The following NFAT5 variants were observed in gnomAD, a reference collection of about 807,000 sequenced individuals.
The protein encoded by NFAT5 is nuclear factor of activated T cells 5.
A neutral mutation model predicts 166.5 loss-of-function variants in NFAT5; 31 were observed. The ratio of observed to expected loss-of-function variants is 0.19; its 90% CI spans 0.14 to 0.25. The LOEUF (loss-of-function observed/expected upper bound fraction) is 0.25, where lower values mean the gene tolerates loss of function less well. Among genes scored for constraint, NFAT5 ranks in the 10% least tolerant of loss-of-function variants. The pLI is 1.00. For missense variants in NFAT5, 1,449 were observed against 1,821.8 expected (o/e 0.80, Z 3.72); for synonymous variants, 612 against 639.7 (o/e 0.96, Z 0.65).
At chr16:69,567,427 G>A (rs1156833137) in intron 1 of NFAT5, among the ~76,000 whole-genome samples, 2 of 151,930 alleles carry the variant, frequency 1.3e-5, no homozygotes, top group Non-Finnish European at 2.9e-5. Context: ...ACCGGGAGGG[G>A]GCAAAAGACA....
chr16:69,695,271 C>A lies in NFAT5; in HGVS notation c.4550C>A (p.Ser1517Tyr), dbSNP rs1329082367. The A allele has an allele frequency of 6.2e-7, 1 of 1,614,116 alleles. No homozygotes were observed. The highest frequency in any genetic ancestry group is 1.3e-5 in the African/African-American group (1 of 75,026). Residue 1517 changes from serine (S) to tyrosine (Y), a missense_variant, in exon 14 of 15, where the codon TCT becomes TAT. Ser to Tyr is a moderately radical substitution (Grantham distance 144). This residue lies in a region of NFAT5 where 891 missense variants were observed against 993.0 expected (regional missense o/e 0.90). Transcript: ENST00000349945. ...CTTTCTCAGCAAATGCCAGAGAATT[C>A]TCCACTGGCATCCTCTATAAACACC... The part of the protein sequence containing the change: ...TLLSQQMPEN[S>Y]PLASSINTNQ...
intron 3 of NFAT5, among the ~76,000 whole-genome samples, chr16:69,638,066 A>T (rs1173108731): frequency 6.6e-6 from 1 of 152,152 alleles, no homozygotes; most frequent in Admixed American, 6.5e-5. Flanking sequence ...TAAAAATACA[A>T]AAATTATCTG....
Position 69,693,252 on chromosome 16 carries a change from G to T in NFAT5, c.3427G>T (p.Val1143Leu). ...GTTTCACTCTCAAAGTACCATTGCT[G>T]TGTTACAGGGCTCTTCAGTTCCTCA... is the stretch of plus-strand genomic sequence containing the variant. ...PMFHSQSTIA[V>L]LQGSSVPQDQ... The change falls in exon 13 of 15, where the codon GTG (valine) becomes TTG (leucine). Residue 1143 changes from valine (V) to leucine (L), a missense_variant. Physicochemically the swap from Val to Leu is conservative, Grantham distance 32 (BLOSUM62 1). Transcript: ENST00000349945. The T allele has an allele frequency of 6.2e-7, 1 of 1,614,176 alleles. No individual in the cohort carries two copies. Among genetic ancestry groups the T allele is most frequent in the Non-Finnish European group, 8.5e-7 (1 of 1,180,042 alleles).
At chr16:69,662,443 C>T (rs990919187) in intron 7 of NFAT5, among the ~76,000 whole-genome samples, 11 of 144,980 alleles carry the variant, frequency 7.6e-5, no homozygotes, top group Admixed American at 6.4e-4. Flanking sequence ...GTAGACAACA[C>T]CTCTTTCTTT....
chr16:69,648,286 C>T, intron 4 of NFAT5: 1 of 984,412 alleles, frequency 1.0e-6, no homozygotes, highest in Non-Finnish European at 1.2e-6. Context: ...CAATTGTGTC[C>T]TCATATGGTT....
Position 69,692,556 on chromosome 16 carries a change from T to A in NFAT5, c.2731T>A (p.Ser911Thr), listed in dbSNP as rs767567326. The A allele has an allele frequency of 6.2e-7, 1 of 1,614,176 alleles. No homozygotes were observed. The highest frequency in any genetic ancestry group is 2.2e-5 in the East Asian group (1 of 44,888). The change falls in exon 13 of 15, where the codon TCA becomes ACA. Residue 911 changes from serine (S) to threonine (T), a missense_variant. Physicochemically the swap from Ser to Thr is moderately conservative, Grantham distance 58. This residue lies in a region of NFAT5 where 891 missense variants were observed against 993.0 expected (regional missense o/e 0.90). Transcript: ENST00000349945. ...GCAGCAACAGCAAGTGATGGAATCTTCAGCCGCAATGGTGATGGAGATGCA... is the reference window on the plus strand; with the variant it reads ...GCAGCAACAGCAAGTGATGGAATCTACAGCCGCAATGGTGATGGAGATGCA... ...QQQQQQVMES[S>T]AAMVMEMQQS...
intron 2 of NFAT5, among the ~76,000 whole-genome samples, chr16:69,570,805 A>G (rs1034710655): frequency 3.9e-5 from 6 of 152,088 alleles, no homozygotes; most frequent in African/African-American, 1.4e-4. Context: ...TTGCTCTGAC[A>G]TTTACTTGTA....
chr16:69,594,687 TATAA>T (rs1307912506), intron 2 of NFAT5, among the ~76,000 whole-genome samples: 1 of 152,202 alleles, frequency 6.6e-6, no homozygotes, highest in Admixed American at 6.5e-5. Flanking sequence ...AAGTTTAATT[TATAA>T]ATAAGGCACA....
intron 2 of NFAT5, among the ~76,000 whole-genome samples, chr16:69,614,159 T>C (rs2033829453): frequency 2.0e-5 from 3 of 151,976 alleles, no homozygotes; most frequent in Admixed American, 6.6e-5. Context: ...TTTCTCTCTT[T>C]TTTTTTTTTC....
chr16:69,694,316 T>G, intron 13 of NFAT5, 77 bp downstream of exon 13: 2 of 1,132,078 alleles, frequency 1.8e-6, no homozygotes, highest in African/African-American at 1.6e-5. Context: ...TGGTGCGATC[T>G]CAGCTCACTG....
chr16:69,685,805 G>C (rs2037276432), intron 11 of NFAT5: 1 of 152,200 alleles, frequency 6.6e-6, no homozygotes, highest in African/African-American at 2.4e-5. Flanking sequence ...CAGCACTTTA[G>C]GAGGCCAAGG....
At chr16:69,664,532 G>C (rs965640877) in intron 7 of NFAT5, among the ~76,000 whole-genome samples, 2 of 152,092 alleles carry the variant, frequency 1.3e-5, no homozygotes, top group Non-Finnish European at 2.9e-5. Context: ...TGATCCGCCT[G>C]CCTCGGCCTC....
rs895966830 is a variant in NFAT5, at chr16:69,670,077, A to G, written c.1470A>G (p.Lys490=). ...TTTTAATCGGCAAGAACTTTCTGAA[A>G]GGAACTAAAGTTATTTTCCAAGAAA... is the stretch of plus-strand genomic sequence containing the variant. The part of the protein sequence containing the change: ...EVFLIGKNFL[K]GTKVIFQENV... Residue 490 remains lysine (K), a synonymous_variant, in exon 8 of 15, where the codon AAA becomes AAG. Coordinates refer to ENST00000349945, the MANE Select transcript of NFAT5 (RefSeq NM_138713.4). 4 of 1,613,004 alleles carry G rather than the reference A, an allele frequency of 2.5e-6. No individual in the cohort carries two copies. In the African/African-American group the frequency reaches 4.0e-5, roughly 16 times the overall value.
At chr16:69,615,591 C>T (rs772983514) in intron 2 of NFAT5, among the ~76,000 whole-genome samples, 26 of 152,006 alleles carry the variant, frequency 1.7e-4, no homozygotes, top group Non-Finnish European at 2.9e-4. Flanking sequence ...CACATTTATA[C>T]CTATATTTTT....
chr16:69,642,150 T>C (rs532892121), intron 3 of NFAT5, among the ~76,000 whole-genome samples: 2 of 152,280 alleles, frequency 1.3e-5, no homozygotes, highest in South Asian at 4.1e-4. Context: ...CTGTTTCATC[T>C]TTTATTAAAT....
In NFAT5 at chr16:69,691,060, C is replaced by T. The variant is rs773266542; in HGVS notation, c.1895C>T (p.Ala632Val). The change falls in exon 12 of 15, where the codon GCA becomes GTA. Residue 632 changes from alanine (A) to valine (V), a missense_variant. Ala to Val is a moderately conservative substitution (Grantham distance 64, BLOSUM62 0). Transcript: ENST00000349945. ...SEDVTPMEVT[A>V]EKRSSTIFKT... The stretch of plus-strand genomic sequence containing the variant: ...GATGTTACTCCAATGGAAGTAACAG[C>T]AGAAAAAAGATCTTCCACTATTTTT... The T allele has an allele frequency of 3.1e-6, 5 of 1,599,674 alleles. No individual in the cohort carries two copies. In the East Asian group the frequency reaches 1.1e-4, roughly 36 times the overall value.
rs1456963270 is a variant in NFAT5 at position 69,692,718 on chromosome 16, G to T, written c.2893G>T (p.Asp965Tyr). The T allele has an allele frequency of 1.2e-6, 2 of 1,614,208 alleles. No individual in the cohort carries two copies. Among genetic ancestry groups the T allele is most frequent in the Non-Finnish European group, 1.7e-6 (2 of 1,180,048 alleles). The change falls in exon 13 of 15, where the codon GAT (aspartate) becomes TAT (tyrosine). Residue 965 changes from aspartate to tyrosine, a missense_variant. Coordinates refer to ENST00000349945, the MANE Select transcript of NFAT5 (RefSeq NM_138713.4). ...HMMSALSTNE[D>Y]MQMQCELFSS... ...GATGAGTGCATTGTCTACCAATGAGGATATGCAAATGCAGTGTGAATTGTT... is the reference window on the plus strand; with the variant it reads ...GATGAGTGCATTGTCTACCAATGAGTATATGCAAATGCAGTGTGAATTGTT...
At chr16:69,577,730 C>T (rs1597342873) in intron 2 of NFAT5, among the ~76,000 whole-genome samples, 1 of 152,090 alleles carries the variant, frequency 6.6e-6, no homozygotes, top group East Asian at 1.9e-4. Context: ...AACATACATA[C>T]TTTTTAAAAA....
Position 69,566,276 on chromosome 16 carries a change from C to T in NFAT5, c.-26C>T, listed in dbSNP as rs1259264741. 1 of 1,591,300 alleles carries T rather than the reference C, an allele frequency of 6.3e-7. No individual in the cohort carries two copies. Among genetic ancestry groups the T allele is most frequent in the South Asian group, 1.1e-5 (1 of 87,058 alleles). On this transcript the variant is annotated 5_prime_UTR_variant, in exon 1 of 15. Coordinates refer to ENST00000349945, the MANE Select transcript of NFAT5 (RefSeq NM_138713.4). The surrounding 1 kb of genome is among the most constrained non-coding windows in gnomAD (Gnocchi z 5.7). ...CCGCCGCTCCCCCCCTCCCGCTGCC[C>T]TCGGGCCGGGCTGGGTCGAGCTGCG...
Sources: gnomAD v4.1 joint callset for allele counts (sites outside exome capture counted in the v4.1 genomes callset) on GRCh38, gnomAD v4.1.1 for gene constraint, gnomAD v4.1.1 regional missense constraint, Gnocchi (gnomAD v3.1) non-coding constraint, MANE v1.5 for transcripts, NCBI Gene and HGNC (gene_info 2026-07-23, HGNC 2026-07-21) for gene names.